The following SCAPER variants were observed in gnomAD, a reference collection of about 807,000 sequenced individuals.
SCAPER encodes S phase cyclin A-associated protein in the endoplasmic reticulum.
SCAPER carries 98 observed loss-of-function variants against 182.2 expected under a neutral mutation model. The observed-to-expected ratio is 0.54, with a 90% CI of 0.46 to 0.64. The LOEUF is 0.64. Among genes scored for constraint, SCAPER ranks in the 30% least tolerant of loss-of-function variants. The pLI is 0.00. For synonymous variants in SCAPER, 605 were observed against 564.6 expected (o/e 1.07, Z -1.01); for missense variants, 1,432 against 1,690.0 (o/e 0.85, Z 2.68).
At chr15:76,802,752 A>C (rs1201930467) in intron 6 of SCAPER, among the ~76,000 whole-genome samples, 1 of 152,170 alleles carries the variant, frequency 6.6e-6, no homozygotes, top group Non-Finnish European at 1.5e-5. Flanking sequence ...ACTAAGATTG[A>C]ACCAAGATTA....
At chr15:76,794,954 G>C (rs1426709280) in intron 8 of SCAPER, among the ~76,000 whole-genome samples, 1 of 152,126 alleles carries the variant, frequency 6.6e-6, no homozygotes, top group Non-Finnish European at 1.5e-5. Context: ...ACTTAAAAGT[G>C]AATTCTGCCT....
chr15:76,390,663 T>C (rs2043628618), intron 27 of SCAPER, among the ~76,000 whole-genome samples: 2 of 152,184 alleles, frequency 1.3e-5, no homozygotes, highest in Admixed American at 1.3e-4. Flanking sequence ...TGGGACACTT[T>C]TGACCTCTCT....
At chr15:76,531,334 G>GT (rs2043646111) in intron 23 of SCAPER, among the ~76,000 whole-genome samples, 1 of 152,070 alleles carries the variant, frequency 6.6e-6, no homozygotes, top group South Asian at 2.1e-4. Flanking sequence ...CTACAAAAAC[G>GT]TATCTGAGAC....
At chr15:76,438,469 T>C (rs1049229844) in intron 25 of SCAPER, among the ~76,000 whole-genome samples, 6 of 152,204 alleles carry the variant, frequency 3.9e-5, no homozygotes, top group African/African-American at 1.4e-4. Flanking sequence ...ACTATTGTTA[T>C]ATTCTCTGCC....
Position 76,883,860 on chromosome 15 carries a change from C to A in SCAPER, c.-43G>T. On this transcript the variant is annotated 5_prime_UTR_variant, in exon 2 of 32. Transcript: ENST00000563290. ...ATGCCAAGATCATTTATCACATAAACCCATGGAGTATGACTCCTACAATAA... is the reference window on the plus strand; with the variant it reads ...ATGCCAAGATCATTTATCACATAAAACCATGGAGTATGACTCCTACAATAA... 6.9e-7 allele frequency: 1 copy of A among 1,441,868 alleles called. No individual in the cohort carries two copies. The highest frequency in any genetic ancestry group is 9.4e-7 in the Non-Finnish European group (1 of 1,059,228). 89.3% of individuals were successfully genotyped at this position (1,441,868 alleles called of 1,614,324 possible).
chr15:76,665,577 T>A lies in SCAPER; in HGVS notation c.2645+76A>T, dbSNP rs546212061. 28 of 1,462,198 alleles carry A rather than the reference T, an allele frequency of 1.9e-5. No individual in the cohort carries two copies. The African/African-American group carries it at 3.7e-4, about 19-fold the overall frequency. The allele number at this position is 1,462,198 out of a possible 1,614,324, so 90.6% of individuals were successfully genotyped here. On this transcript the variant is annotated intron_variant, in intron 21 of 31. Coordinates refer to ENST00000563290, the MANE Select transcript of SCAPER (RefSeq NM_020843.4). Reference sequence around the variant, plus strand: ...ATGAAGCAAACAACTTTAAACTTTTTTTGTCTTCCTTGGATTTACATTAAA... The same window carrying A: ...ATGAAGCAAACAACTTTAAACTTTTATTGTCTTCCTTGGATTTACATTAAA...
At chr15:76,718,417 G>A (rs1051990516) in intron 17 of SCAPER, among the ~76,000 whole-genome samples, 4 of 152,000 alleles carry the variant, frequency 2.6e-5, no homozygotes, top group Non-Finnish European at 2.9e-5. Flanking sequence ...GGCTAGCCAC[G>A]GTGGCTCATG....
At chr15:76,618,994 A>T (rs2051760385) in intron 22 of SCAPER, among the ~76,000 whole-genome samples, 2 of 152,052 alleles carry the variant, frequency 1.3e-5, no homozygotes, top group South Asian at 4.1e-4. Flanking sequence ...ACAGGTGCAC[A>T]CCACTATGCC....
At chr15:76,531,026 T>A (rs1266654541) in intron 23 of SCAPER, among the ~76,000 whole-genome samples, 1 of 151,380 alleles carries the variant, frequency 6.6e-6, no homozygotes, top group East Asian at 1.9e-4. Flanking sequence ...CACAAAGAGA[T>A]TAAAAATAAG....
chr15:76,641,449 C>T (rs2054095441), intron 21 of SCAPER, among the ~76,000 whole-genome samples: 1 of 151,976 alleles, frequency 6.6e-6, no homozygotes, highest in Non-Finnish European at 1.5e-5. Flanking sequence ...ATTGTTGGCA[C>T]CACGGGACCA....
chr15:76,606,481 ATG>A (rs1597639607), intron 22 of SCAPER, among the ~76,000 whole-genome samples: 2 of 152,232 alleles, frequency 1.3e-5, no homozygotes, highest in East Asian at 3.9e-4. Flanking sequence ...GCTGAAAAGA[ATG>A]TATATTCTGT....
At chr15:76,467,390 T>G (rs567218814) in intron 25 of SCAPER, among the ~76,000 whole-genome samples, 1 of 151,588 alleles carries the variant, frequency 6.6e-6, no homozygotes, top group Non-Finnish European at 1.5e-5. Context: ...ATTGTCCACA[T>G]GCCCCACTCT....
At chr15:76,579,636 C>A (rs1472518888) in intron 22 of SCAPER, among the ~76,000 whole-genome samples, 1 of 151,728 alleles carries the variant, frequency 6.6e-6, no homozygotes, top group African/African-American at 2.4e-5. Flanking sequence ...GAAAAGACCA[C>A]AAAATAACCA....
intron 5 of SCAPER, among the ~76,000 whole-genome samples, chr15:76,826,765 G>A (rs2068054528): frequency 6.6e-6 from 1 of 152,166 alleles, no homozygotes; most frequent in African/African-American, 2.4e-5. Context: ...CCAAAACAGT[G>A]CATGTTGTAA....
chr15:76,357,150 T>TCACTCACA (rs1555410453), intron 29 of SCAPER, among the ~76,000 whole-genome samples: 1 of 128,858 alleles, frequency 7.8e-6, no homozygotes, highest in African/African-American at 2.9e-5. Context: ...TTTATTGACA[T>TCACTCACA]CACACACACA....
intron 23 of SCAPER, among the ~76,000 whole-genome samples, chr15:76,562,932 C>T (rs533918150): frequency 8.5e-5 from 13 of 152,164 alleles, no homozygotes; most frequent in East Asian, 3.9e-4. Flanking sequence ...CATAAATTCT[C>T]GAAAACATAA....
intron 2 of SCAPER, among the ~76,000 whole-genome samples, chr15:76,866,551 A>G (rs1489866016): frequency 1.3e-5 from 2 of 152,180 alleles, no homozygotes; most frequent in African/African-American, 4.8e-5. Flanking sequence ...CTTAATTCCA[A>G]TACTTGATAA....
intron 11 of SCAPER, 86 bp from the exon 12 acceptor site, chr15:76,765,724 C>T (rs1242552065): frequency 1.8e-6 from 2 of 1,094,656 alleles, no homozygotes; most frequent in African/African-American, 1.6e-5. Flanking sequence ...AAATGTCCTA[C>T]CTATTGTTAA....
At chr15:76,504,822 A>G (rs1305750195) in intron 24 of SCAPER, 37 bp downstream of exon 24, 2 of 1,513,802 alleles carry the variant, frequency 1.3e-6, no homozygotes, top group African/African-American at 2.8e-5. Context: ...TGACTCACAA[A>G]TGAAACGTAA....
Sources: allele counts gnomAD v4.1 joint callset (sites outside exome capture counted in the v4.1 genomes callset), GRCh38; gene constraint gnomAD v4.1.1; transcripts MANE v1.5; gene names NCBI Gene and HGNC (gene_info 2026-07-23, HGNC 2026-07-21).